GNAS-AS1: variants seen among roughly 807,000 people sequenced by gnomAD.
GNAS-AS1 encodes GNAS antisense RNA 1.
chr20:58,826,863 C>CTTTTTTTTTTTTTTGTTTT (rs2085524210), intron 4 of GNAS-AS1: 1 of 85,756 alleles, frequency 1.2e-5, no homozygotes, highest in Non-Finnish European at 2.2e-5. Context: ...CCATGCCTGG[C>CTTTTTTTTTTTTTTGTTTT]TTTTTTTTTT....
Position 58,840,674 on chromosome 20 carries a change from G to A in GNAS-AS1, n.819+1263C>T. On this transcript the variant is annotated intron_variant and non_coding_transcript_variant, in intron 4 of 4. Coordinates refer to ENST00000424094, the Ensembl canonical transcript of GNAS-AS1. This position sits in a 1 kb window ranked among gnomAD's most constrained non-coding sequence, Gnocchi z 6.0. ...CACTCAGGAGCCCCAGAGCCCCAGGGAAGGGGAGGAGCTCAAGCCCGAGGA... is the reference window on the plus strand; with the variant it reads ...CACTCAGGAGCCCCAGAGCCCCAGGAAAGGGGAGGAGCTCAAGCCCGAGGA... The A allele has an allele frequency of 6.2e-7, 1 of 1,604,936 alleles. No individual in the cohort carries two copies. Among genetic ancestry groups the A allele is most frequent in the Non-Finnish European group, 8.5e-7 (1 of 1,179,444 alleles).
chr20:58,831,023 T>G (rs2085565949), intron 4 of GNAS-AS1, among the ~76,000 whole-genome samples: 1 of 152,118 alleles, frequency 6.6e-6, no homozygotes, highest in Non-Finnish European at 1.5e-5. Context: ...ACGCAAGGCA[T>G]AGACAAAGGA....
chr20:58,825,539 C>A (rs1203773522), intron 4 of GNAS-AS1, among the ~76,000 whole-genome samples: 1 of 152,100 alleles, frequency 6.6e-6, no homozygotes, highest in Non-Finnish European at 1.5e-5. Context: ...GTATAATTTT[C>A]CTTTAAAAAC....
intron 1 of GNAS-AS1, among the ~76,000 whole-genome samples, chr20:58,849,751 C>T (rs2086081172): frequency 1.3e-5 from 2 of 152,280 alleles, no homozygotes; most frequent in East Asian, 3.9e-4. Context: ...TCTTGAGTGC[C>T]GTCCTTCAGC....
chr20:58,832,605 T>TGGGAAAAG (rs1568901594), intron 4 of GNAS-AS1, among the ~76,000 whole-genome samples: 1 of 152,168 alleles, frequency 6.6e-6, no homozygotes, highest in African/African-American at 2.4e-5. Flanking sequence ...GCTAAGATAC[T>TGGGAAAAG]GGGAAAATGT....
chr20:58,836,587 G>C (rs914631647), intron 4 of GNAS-AS1: 1 of 152,216 alleles, frequency 6.6e-6, no homozygotes, highest in Non-Finnish European at 1.5e-5. Context: ...AGCAGACAGA[G>C]AGAGCCCCTT....
chr20:58,827,734 C>T (rs1197782628), intron 4 of GNAS-AS1, among the ~76,000 whole-genome samples: 1 of 152,196 alleles, frequency 6.6e-6, no homozygotes, highest in African/African-American at 2.4e-5. Context: ...CCCAATGAAA[C>T]ACATGAAACT....
intron 4 of GNAS-AS1, among the ~76,000 whole-genome samples, chr20:58,832,569 CATT>C (rs775131555): frequency 2.0e-5 from 3 of 152,188 alleles, no homozygotes; most frequent in African/African-American, 2.4e-5. Context: ...CTAAAATCAT[CATT>C]ATTAAGGCTG....
At chr20:58,827,935 G>A (rs2085531311) in intron 4 of GNAS-AS1, among the ~76,000 whole-genome samples, 1 of 152,216 alleles carries the variant, frequency 6.6e-6, no homozygotes, top group Non-Finnish European at 1.5e-5. Flanking sequence ...ATAATTGCAT[G>A]CGCAGTTACA....
chr20:58,842,061 G>A, exon 4 of GNAS-AS1: 1 of 456,754 alleles, frequency 2.2e-6, no homozygotes, highest in Non-Finnish European at 3.6e-6. Context: ...CCTTGGGGAG[G>A]GGAGGCGAGG....
chr20:58,849,011 G>A, intron 1 of GNAS-AS1: 1 of 397,650 alleles, frequency 2.5e-6, no homozygotes, highest in Non-Finnish European at 4.4e-6. Flanking sequence ...TTTAAATTAA[G>A]GCAATTCCTA....
At chr20:58,845,544 CA>C (rs996571046) in intron 2 of GNAS-AS1, among the ~76,000 whole-genome samples, 1 of 151,912 alleles carries the variant, frequency 6.6e-6, no homozygotes, top group Non-Finnish European at 1.5e-5. Flanking sequence ...ATTTCAAAAA[CA>C]AAAAAATCTG....
chr20:58,834,844 C>G (rs1381667678), intron 4 of GNAS-AS1, among the ~76,000 whole-genome samples: 1 of 152,186 alleles, frequency 6.6e-6, no homozygotes, highest in Non-Finnish European at 1.5e-5. Context: ...GGCACAAATA[C>G]AGTATTGTAA....
chr20:58,849,341 C>T (rs950706271), intron 1 of GNAS-AS1, among the ~76,000 whole-genome samples: 1 of 152,164 alleles, frequency 6.6e-6, no homozygotes, highest in African/African-American at 2.4e-5. Flanking sequence ...CTGAGTCCTC[C>T]CTACTCACTC....
Position 58,840,147 on chromosome 20 carries a change from G to T in GNAS-AS1, n.819+1790C>A, listed in dbSNP as rs548132075. The T allele has an allele frequency of 9.3e-6, 15 of 1,611,396 alleles. No individual in the cohort carries two copies. The highest frequency in any genetic ancestry group is 6.7e-5 in the Admixed American group (4 of 60,010). On this transcript the variant is annotated intron_variant and non_coding_transcript_variant, in intron 4 of 4. Coordinates refer to ENST00000424094, the Ensembl canonical transcript of GNAS-AS1. This position sits in a 1 kb window ranked among gnomAD's most constrained non-coding sequence, Gnocchi z 6.0. ...CGGGCTCAGCAGTGGCGCCGAGCTCGCCATAATTACAACGACCTGTGCCCG... is the reference window on the plus strand; with the variant it reads ...CGGGCTCAGCAGTGGCGCCGAGCTCTCCATAATTACAACGACCTGTGCCCG...
intron 4 of GNAS-AS1, chr20:58,839,548 C>A: frequency 2.5e-6 from 1 of 405,790 alleles, no homozygotes; most frequent in Non-Finnish European, 4.3e-6. Flanking sequence ...ACCCGCCAGG[C>A]CCCCCGCCCA....
At chr20:58,849,089 G>A (rs2086051143) in intron 1 of GNAS-AS1, among the ~76,000 whole-genome samples, 1 of 152,160 alleles carries the variant, frequency 6.6e-6, no homozygotes, top group Non-Finnish European at 1.5e-5. Context: ...TTGCCCCCCA[G>A]AGGACATTTA....
At chr20:58,824,789 G>C (rs1309530407) in intron 4 of GNAS-AS1, among the ~76,000 whole-genome samples, 1 of 152,194 alleles carries the variant, frequency 6.6e-6, no homozygotes, top group Non-Finnish European at 1.5e-5. Flanking sequence ...GGTTTTGCCT[G>C]CTTTTGAACT....
intron 4 of GNAS-AS1, among the ~76,000 whole-genome samples, chr20:58,835,679 A>G (rs2085597852): frequency 6.6e-6 from 1 of 152,192 alleles, no homozygotes; most frequent in South Asian, 2.1e-4. Flanking sequence ...CTTCACATCA[A>G]TGTGTGTGAT....
Sources: gnomAD v4.1 joint callset for allele counts (sites outside exome capture counted in the v4.1 genomes callset) on GRCh38, gnomAD v4.1.1 for gene constraint, Gnocchi (gnomAD v3.1) non-coding constraint, MANE v1.5 for transcripts, NCBI Gene and HGNC (gene_info 2026-07-23, HGNC 2026-07-21) for gene names.